Variants in PARVA observed in about 807,000 individuals in gnomAD.
PARVA encodes parvin alpha.
A neutral mutation model predicts 52.6 loss-of-function variants in PARVA; 25 were observed. The ratio of observed to expected loss-of-function variants is 0.48; its 90% CI spans 0.35 to 0.66. PARVA has a LOEUF of 0.66. Among genes scored for constraint, PARVA ranks in the 30% least tolerant of loss-of-function variants. The pLI is 0.01. For missense variants in PARVA, 373 were observed against 450.9 expected (o/e 0.83, Z 1.56); for synonymous variants, 185 against 179.1 (o/e 1.03, Z -0.26).
At chr11:12,511,403 C>T in intron 7 of PARVA, 111 bp from the exon 8 acceptor site, 2 of 1,158,098 alleles carry the variant, frequency 1.7e-6, no homozygotes, top group Non-Finnish European at 2.5e-6. Context: ...AGGTGGGTGG[C>T]AGGCAGCATG....
intron 4 of PARVA, among the ~76,000 whole-genome samples, chr11:12,492,681 G>C (rs1240410253): frequency 6.6e-6 from 1 of 152,100 alleles, no homozygotes; most frequent in African/African-American, 2.4e-5. Context: ...GCAAAATAGA[G>C]ATAATGATGT....
chr11:12,501,089 C>T (rs1311306596), intron 5 of PARVA, among the ~76,000 whole-genome samples: 8 of 146,844 alleles, frequency 5.4e-5, no homozygotes, highest in Middle Eastern at 3.4e-3. Context: ...ACCTGGGCGA[C>T]GAGCAAAAAT....
intron 1 of PARVA, among the ~76,000 whole-genome samples, chr11:12,473,321 G>A (rs533028430): frequency 8.5e-5 from 13 of 152,204 alleles, no homozygotes; most frequent in East Asian, 7.7e-4. Context: ...GCCTTACAGC[G>A]TACATATAGC....
chr11:12,518,457 T>C lies in PARVA; in HGVS notation c.982T>C (p.Ser328Pro), dbSNP rs1380128039. The change falls in exon 12 of 13, where the codon TCC (serine) becomes CCC (proline). Residue 328 changes from serine to proline, a missense_variant. Ser to Pro is a moderately conservative substitution (Grantham distance 74, BLOSUM62 -1). Coordinates refer to ENST00000334956, the MANE Select transcript of PARVA (RefSeq NM_018222.5). ...DSFEQKVLNV[S>P]FAFELMQDGG... ...TCTCTCTTGCCAGGTCTTGAATGTCTCCTTTGCCTTTGAGCTCATGCAAGA... is the reference window on the plus strand; with the variant it reads ...TCTCTCTTGCCAGGTCTTGAATGTCCCCTTTGCCTTTGAGCTCATGCAAGA... 6.2e-7 allele frequency: 1 copy of C among 1,613,526 alleles called. No individual in the cohort carries two copies. The highest frequency in any genetic ancestry group is 2.2e-5 in the East Asian group (1 of 44,876).
At chr11:12,449,901 G>A (rs1330641940) in intron 1 of PARVA, among the ~76,000 whole-genome samples, 1 of 152,178 alleles carries the variant, frequency 6.6e-6, no homozygotes, top group African/African-American at 2.4e-5. Context: ...CTGATGTATT[G>A]TCTTAGGATT....
At chr11:12,524,609 C>T (rs1941678088) in intron 12 of PARVA, among the ~76,000 whole-genome samples, 1 of 152,220 alleles carries the variant, frequency 6.6e-6, no homozygotes, top group African/African-American at 2.4e-5. Context: ...TGCTCTTGGC[C>T]TTGCTCTCTC....
chr11:12,496,369 T>TGCATGCATGAGTGCAC, intron 4 of PARVA, 89 bp from the exon 5 acceptor site: 1 of 1,371,064 alleles, frequency 7.3e-7, no homozygotes. Flanking sequence ...CATGAGTGCA[T>TGCATGCATGAGTGCAC]GAGAGACCGA....
At chr11:12,516,461 C>T (rs1322455607) in intron 10 of PARVA, among the ~76,000 whole-genome samples, 1 of 152,088 alleles carries the variant, frequency 6.6e-6, no homozygotes, top group African/African-American at 2.4e-5. Flanking sequence ...CTGTCCTGAG[C>T]CCTCAGTGTA....
intron 1 of PARVA, among the ~76,000 whole-genome samples, chr11:12,407,430 A>G (rs1016232462): frequency 1.3e-5 from 2 of 152,248 alleles, no homozygotes; most frequent in African/African-American, 4.8e-5. Flanking sequence ...GTTGAAGCAT[A>G]GAGGAGATAA....
At chr11:12,468,875 A>C (rs1940891842) in intron 1 of PARVA, among the ~76,000 whole-genome samples, 2 of 152,198 alleles carry the variant, frequency 1.3e-5, no homozygotes, top group Admixed American at 1.3e-4. Context: ...GAATGAAGGA[A>C]AGTGATTCCA....
chr11:12,439,246 G>A (rs548177738), intron 1 of PARVA, among the ~76,000 whole-genome samples: 2 of 152,118 alleles, frequency 1.3e-5, no homozygotes, highest in South Asian at 2.1e-4. Context: ...AATGGGGAAG[G>A]GGACAACTCC....
intron 9 of PARVA, 193 bp downstream of exon 9, chr11:12,513,553 C>T (rs1449864479): frequency 1.4e-6 from 1 of 703,088 alleles, no homozygotes; most frequent in African/African-American, 1.7e-5. Context: ...GGGCCTTTTC[C>T]CCTCCATCAG....
intron 1 of PARVA, among the ~76,000 whole-genome samples, chr11:12,378,159 G>A (rs1470923242): frequency 6.6e-6 from 1 of 151,982 alleles, no homozygotes; most frequent in Non-Finnish European, 1.5e-5. Context: ...GCCCTGCCCC[G>A]CCCTCTGCGC....
At chr11:12,450,436 C>T (rs1208416256) in intron 1 of PARVA, among the ~76,000 whole-genome samples, 2 of 152,204 alleles carry the variant, frequency 1.3e-5, no homozygotes, top group African/African-American at 2.4e-5. Flanking sequence ...GTTAACCCCA[C>T]TATTGAGCTC....
In PARVA at chr11:12,497,650, C is replaced by T. The variant is rs377265900; in HGVS notation, c.541+1052C>T. Among the ~76,000 whole-genome samples the T allele has an allele frequency of 3.9e-5, 6 of 152,228 alleles. No individual in the cohort carries two copies. The East Asian group carries it at 7.7e-4, about 20-fold the overall frequency. On this transcript the variant is annotated intron_variant, in intron 5 of 12. Transcript: ENST00000334956. ...GTGACGCTGGGAACAGGGCACAGGG[C>T]GTTCTTTGCCCGCAGAGGGAGACAC...
chr11:12,381,098 G>A (rs978320195), intron 1 of PARVA, among the ~76,000 whole-genome samples: 3 of 152,246 alleles, frequency 2.0e-5, no homozygotes, highest in Admixed American at 2.0e-4. Flanking sequence ...GCTGCTTGCT[G>A]CGGCATATGG....
At chr11:12,439,529 T>C (rs1037865750) in intron 1 of PARVA, among the ~76,000 whole-genome samples, 1 of 152,210 alleles carries the variant, frequency 6.6e-6, no homozygotes, top group Non-Finnish European at 1.5e-5. Context: ...CCCCATTCTT[T>C]GGGAATGATG....
chr11:12,425,354 T>C (rs1940216237), intron 1 of PARVA, among the ~76,000 whole-genome samples: 1 of 152,208 alleles, frequency 6.6e-6, no homozygotes, highest in African/African-American at 2.4e-5. Flanking sequence ...AGAATGGTCA[T>C]ATCACCTCTT....
At chr11:12,517,949 G>A (rs1243294253) in intron 11 of PARVA, among the ~76,000 whole-genome samples, 1 of 152,204 alleles carries the variant, frequency 6.6e-6, no homozygotes, top group Non-Finnish European at 1.5e-5. Context: ...CCCCTGCCCT[G>A]TGTCCCTGTC....
Sources: gnomAD v4.1 joint callset for allele counts (sites outside exome capture counted in the v4.1 genomes callset) on GRCh38, gnomAD v4.1.1 for gene constraint, MANE v1.5 for transcripts, NCBI Gene and HGNC (gene_info 2026-07-23, HGNC 2026-07-21) for gene names.